DCUN1D4: variants seen among roughly 807,000 people sequenced by gnomAD.
DCUN1D4 encodes defective in cullin neddylation 1 domain containing 4, also known as DCN1-like protein 4.
DCUN1D4 carries 22 observed loss-of-function variants against 47.9 expected under a neutral mutation model. The ratio of observed to expected loss-of-function variants is 0.46; its 90% CI spans 0.33 to 0.66. The LOEUF (loss-of-function observed/expected upper bound fraction) is 0.66. Ranked by LOEUF, DCUN1D4 falls within the 30% of genes least tolerant of loss-of-function variation. The pLI, the probability that DCUN1D4 is intolerant of heterozygous loss-of-function variation, is 0.02. For missense variants in DCUN1D4, 301 were observed against 340.8 expected (o/e 0.88, Z 0.92); for synonymous variants, 121 against 112.2 (o/e 1.08, Z -0.50).
intron 1 of DCUN1D4, chr4:51,844,462 G>A: frequency 1.0e-6 from 1 of 959,782 alleles, no homozygotes; most frequent in Non-Finnish European, 1.2e-6. Context: ...CGGGCTGCGG[G>A]GTTTCAGCAG....
intron 3 of DCUN1D4, among the ~76,000 whole-genome samples, chr4:51,873,343 G>A (rs147551545): frequency 1.3e-5 from 2 of 152,312 alleles, no homozygotes; most frequent in East Asian, 3.9e-4. Flanking sequence ...GATTATTGTA[G>A]GAACCAAATG....
chr4:51,861,545 G>A (rs1725049745), intron 1 of DCUN1D4, among the ~76,000 whole-genome samples: 1 of 152,172 alleles, frequency 6.6e-6, no homozygotes, highest in African/African-American at 2.4e-5. Context: ...ATTAACAGCA[G>A]GGTGGTGAAA....
chr4:51,853,600 T>C (rs1723684642), intron 1 of DCUN1D4, among the ~76,000 whole-genome samples: 1 of 152,184 alleles, frequency 6.6e-6, no homozygotes, highest in Non-Finnish European at 1.5e-5. Context: ...AGGGATAGAA[T>C]CTACTTCTCT....
intron 1 of DCUN1D4, among the ~76,000 whole-genome samples, chr4:51,849,846 C>T (rs73815248): frequency 1.4e-4 from 8 of 57,054 alleles, no homozygotes; most frequent in African/African-American, 2.7e-4. Context: ...TGTGTGTGTG[C>T]GTGCGTGTGT....
intron 8 of DCUN1D4, among the ~76,000 whole-genome samples, chr4:51,903,480 T>C (rs189777702): frequency 1.3e-5 from 2 of 152,300 alleles, no homozygotes; most frequent in African/African-American, 4.8e-5. Flanking sequence ...AATAATTTTC[T>C]TTATGTTTAT....
chr4:51,908,814 C>G (rs1335746131), intron 8 of DCUN1D4: 1 of 445,048 alleles, frequency 2.2e-6, no homozygotes, highest in Non-Finnish European at 4.5e-6. Context: ...CAGTCATGGT[C>G]ATTTGCACAT....
At chr4:51,879,625 G>T (rs1200470671) in intron 5 of DCUN1D4, among the ~76,000 whole-genome samples, 1 of 152,180 alleles carries the variant, frequency 6.6e-6, no homozygotes, top group Non-Finnish European at 1.5e-5. Context: ...AAAAATAATT[G>T]ACACTGTACC....
intron 5 of DCUN1D4, among the ~76,000 whole-genome samples, chr4:51,883,855 A>C (rs1484062825): frequency 2.0e-5 from 3 of 151,978 alleles, no homozygotes; most frequent in Non-Finnish European, 2.9e-5. Flanking sequence ...GGACAACTTC[A>C]CTTTTGGAAC....
intron 3 of DCUN1D4, among the ~76,000 whole-genome samples, chr4:51,868,217 A>G (rs1196818774): frequency 6.6e-6 from 1 of 152,180 alleles, no homozygotes; most frequent in African/African-American, 2.4e-5. Flanking sequence ...CTGGGTCCGC[A>G]GCCATGGCTG....
intron 9 of DCUN1D4, 74 bp downstream of exon 9, chr4:51,911,248 A>G (rs2110142220): frequency 2.2e-6 from 3 of 1,387,924 alleles, no homozygotes; most frequent in Non-Finnish European, 3.0e-6. Context: ...CACCCGTTGT[A>G]TGTAATTTTT....
At chr4:51,875,919 G>T (rs1049018647) in intron 4 of DCUN1D4, among the ~76,000 whole-genome samples, 29 of 152,146 alleles carry the variant, frequency 1.9e-4, no homozygotes, top group African/African-American at 6.7e-4. Context: ...AGATAGGAAT[G>T]CCTGGGCCCA....
intron 1 of DCUN1D4, among the ~76,000 whole-genome samples, chr4:51,855,826 C>G (rs1310192533): frequency 6.6e-6 from 1 of 152,212 alleles, no homozygotes; most frequent in African/African-American, 2.4e-5. Context: ...ACATTCTCAT[C>G]CCTAGTCTAT....
rs1199414123 is a variant in DCUN1D4 at position 51,848,123 on chromosome 4, A to G, written c.25+4856A>G. On this transcript the variant is annotated intron_variant, in intron 1 of 10. Coordinates refer to ENST00000334635, the MANE Select transcript of DCUN1D4 (RefSeq NM_001040402.3). ...CTTTAGATTTTTCTTCAAGGAACAC[A>G]AGCTTTCACCTACTCATTCTTTGCA... The G allele has an allele frequency of 8.2e-6, 9 of 1,096,940 alleles. No individual in the cohort carries two copies. In the East Asian group the frequency reaches 4.9e-4, roughly 59 times the overall value. The allele number at this position is 1,096,940 out of a possible 1,614,324, so 68.0% of individuals were successfully genotyped here.
At chr4:51,863,808 C>G (rs1725470950) in intron 3 of DCUN1D4, 99 bp downstream of exon 3, 5 of 1,258,138 alleles carry the variant, frequency 4.0e-6, no homozygotes, top group Non-Finnish European at 5.6e-6. Context: ...ATAATGTACT[C>G]CATTAACAAA....
Position 51,913,339 on chromosome 4 carries a change from A to C in DCUN1D4, c.770A>C (p.Glu257Ala). The C allele has an allele frequency of 6.2e-7, 1 of 1,612,944 alleles. No homozygotes were observed. Among genetic ancestry groups the C allele is most frequent in the Non-Finnish European group, 8.5e-7 (1 of 1,179,302 alleles). The part of the protein sequence containing the change: ...INKDQWCNVL[E>A]FSRTINLDLS... ...AAAGACCAGTGGTGCAATGTCCTAG[A>C]GTTTAGCAGAACAATTAATCTTGAC... The change falls in exon 10 of 11, where the codon GAG becomes GCG. Residue 257 changes from glutamate (E) to alanine (A), a missense_variant. By Grantham distance (107) the Glu-to-Ala change is moderately radical (BLOSUM62 -1). Coordinates refer to ENST00000334635, the MANE Select transcript of DCUN1D4 (RefSeq NM_001040402.3).
intron 7 of DCUN1D4, among the ~76,000 whole-genome samples, chr4:51,895,559 T>TAAA (rs67542268): frequency 1.1e-5 from 1 of 88,498 alleles, no homozygotes; most frequent in Non-Finnish European, 2.4e-5. Context: ...TGCTTAAACT[T>TAAA]AAAAAAAAAA....
At chr4:51,839,765 C>A (rs1721586222), upstream of DCUN1D4, among the ~76,000 whole-genome samples, 1 of 152,162 alleles carries the variant, frequency 6.6e-6, no homozygotes, top group South Asian at 2.1e-4. Context: ...TCTGTCTGTG[C>A]AGGCCCAACT....
chr4:51,876,904 T>A (rs1258267843), intron 4 of DCUN1D4, among the ~76,000 whole-genome samples: 3 of 152,218 alleles, frequency 2.0e-5, no homozygotes, highest in Non-Finnish European at 2.9e-5. Context: ...CTAGGTAATT[T>A]ATATATAAGT....
At chr4:51,841,547 AGC>A (rs1721652703), upstream of DCUN1D4, among the ~76,000 whole-genome samples, 1 of 152,208 alleles carries the variant, frequency 6.6e-6, no homozygotes, top group South Asian at 2.1e-4. Flanking sequence ...AAGAACCTGA[AGC>A]AAATAATAAA....
Sources: allele counts gnomAD v4.1 joint callset (sites outside exome capture counted in the v4.1 genomes callset), GRCh38; gene constraint gnomAD v4.1.1; transcripts MANE v1.5; gene names NCBI Gene and HGNC (gene_info 2026-07-23, HGNC 2026-07-21).